Variants in ZNF627 observed in about 807,000 individuals in gnomAD.
The protein encoded by ZNF627 is zinc finger protein 627.
In ZNF627, 12 loss-of-function variants were observed where a neutral mutation model predicts 10.6. The ratio of observed to expected loss-of-function variants is 1.13; its 90% confidence interval spans 0.73 to 1.84. ZNF627 has a LOEUF of 1.84. ZNF627 is among the 40% of genes most tolerant of loss of function. The pLI is 0.00. For synonymous variants in ZNF627, 176 were observed against 187.1 expected (o/e 0.94, Z 0.48); for missense variants, 504 against 568.4 (o/e 0.89, Z 1.15).
At chr19:11,600,236 C>T (rs1330934271) in intron 1 of ZNF627, among the ~76,000 whole-genome samples, 1 of 151,888 alleles carries the variant, frequency 6.6e-6, no homozygotes, top group Non-Finnish European at 1.5e-5. Flanking sequence ...GTCAGGAGAT[C>T]GAGACCATCC....
In ZNF627 at chr19:11,616,966, C is replaced by T; in HGVS notation, c.463C>T (p.Pro155Ser). The T allele has an allele frequency of 6.2e-7, 1 of 1,614,158 alleles. No individual in the cohort carries two copies. The highest frequency in any genetic ancestry group is 8.5e-7 in the Non-Finnish European group (1 of 1,180,038). ...GRALSYHRSF[P>S]VRERTHPGGK... ...AGCCTTGAGTTATCATCGCTCTTTT[C>T]CAGTACGTGAAAGGACTCATCCTGG... is the stretch of plus-strand genomic sequence containing the variant. The change falls in exon 4 of 4, where the codon CCA (proline) becomes TCA (serine). Residue 155 changes from proline to serine, a missense_variant. Physicochemically the swap from Pro to Ser is moderately conservative, Grantham distance 74. Transcript: ENST00000361113.
intron 1 of ZNF627, among the ~76,000 whole-genome samples, chr19:11,608,792 C>T (rs953320247): frequency 6.6e-6 from 1 of 152,100 alleles, no homozygotes; most frequent in Non-Finnish European, 1.5e-5. Context: ...GCTGGGATTA[C>T]AGGTGTGTTC....
intron 1 of ZNF627, among the ~76,000 whole-genome samples, chr19:11,601,051 C>T (rs1255138838): frequency 6.6e-6 from 1 of 152,156 alleles, no homozygotes; most frequent in Non-Finnish European, 1.5e-5. Flanking sequence ...AGACTAGTGA[C>T]TTGAAACTAA....
intron 1 of ZNF627, among the ~76,000 whole-genome samples, chr19:11,597,855 G>T (rs907349722): frequency 2.6e-5 from 4 of 152,230 alleles, no homozygotes; most frequent in African/African-American, 9.6e-5. Flanking sequence ...TCCCCACATG[G>T]TGCGGGGGCC....
intron 1 of ZNF627, among the ~76,000 whole-genome samples, chr19:11,608,234 C>T (rs941929809): frequency 3.9e-5 from 6 of 152,058 alleles, no homozygotes; most frequent in Non-Finnish European, 7.4e-5. Flanking sequence ...TACCTCTCAC[C>T]GGGTCCCTCC....
chr19:11,597,658 G>A (rs1209316867), intron 1 of ZNF627, 28 bp downstream of exon 1: 5 of 1,338,102 alleles, frequency 3.7e-6, no homozygotes, highest in Admixed American at 6.0e-5. Context: ...GGCGTCCCCA[G>A]ACCTGGGGGA....
chr19:11,607,029 G>A (rs1373211565), intron 1 of ZNF627, among the ~76,000 whole-genome samples: 1 of 152,176 alleles, frequency 6.6e-6, no homozygotes, highest in Non-Finnish European at 1.5e-5. Flanking sequence ...TCTGTGATGT[G>A]TCCTGGAGAC....
At chr19:11,605,112 C>CT (rs1201233979) in intron 1 of ZNF627, among the ~76,000 whole-genome samples, 1 of 111,552 alleles carries the variant, frequency 9.0e-6, no homozygotes, top group East Asian at 2.7e-4. Context: ...GAGATGGAGT[C>CT]TTGCTCTGTC....
chr19:11,614,801 A>G, intron 2 of ZNF627, 26 bp from the exon 3 acceptor site: 2 of 1,595,886 alleles, frequency 1.3e-6, no homozygotes, highest in East Asian at 2.2e-5. Flanking sequence ...CTAATTCATA[A>G]TGACTTTTCT....
At chr19:11,603,062 CTT>C (rs1178260071) in intron 1 of ZNF627, among the ~76,000 whole-genome samples, 1 of 152,124 alleles carries the variant, frequency 6.6e-6, no homozygotes, top group Non-Finnish European at 1.5e-5. Context: ...GGCTCTTCCT[CTT>C]TTGAATTTTT....
chr19:11,617,570 C>G lies in ZNF627; in HGVS notation c.1067C>G (p.Thr356Ser), dbSNP rs1300697540. ...FPSSFRIHER[T>S]HTGEKPYDCK... is the part of the protein sequence containing the mutation. The stretch of plus-strand genomic sequence containing the variant: ...AGTTCATTTCGAATCCATGAAAGGA[C>G]CCACACTGGAGAGAAACCCTATGAT... The change falls in exon 4 of 4, where the codon ACC becomes AGC. Residue 356 changes from threonine to serine, a missense_variant. Thr to Ser is a moderately conservative substitution (Grantham distance 58). Transcript: ENST00000361113. The G allele has an allele frequency of 6.2e-7, 1 of 1,613,010 alleles. No homozygotes were observed. Among genetic ancestry groups the G allele is most frequent in the Non-Finnish European group, 8.5e-7 (1 of 1,179,754 alleles).
At position 11,610,687 on chromosome 19, in the gene ZNF627, C is replaced by T. The variant is rs138369963; in HGVS notation, c.4-3840C>T. On this transcript the variant is annotated intron_variant, in intron 1 of 3. Coordinates refer to ENST00000361113, the MANE Select transcript of ZNF627 (RefSeq NM_145295.4). The stretch of plus-strand genomic sequence containing the variant: ...TGAATCTGTACTCCTGGTTTGCAGT[C>T]CTCAGCTCTGGCCCCAATAGACTGT... 1.3e-3 allele frequency among the ~76,000 whole-genome samples: 203 copies of T among 152,212 alleles called. 2 individuals carry two copies. Among genetic ancestry groups the T allele is most frequent in the African/African-American group, 4.7e-3 (196 of 41,530 alleles).
chr19:11,597,555 C>T lies in ZNF627; in HGVS notation c.-73C>T. On this transcript the variant is annotated 5_prime_UTR_variant, in exon 1 of 4. Coordinates refer to ENST00000361113, the MANE Select transcript of ZNF627 (RefSeq NM_145295.4). ...GAGGCCCAAGGTGTCTCCGCCGCAG[C>T]CTCTGTCGCGCCGTGACCTGTACAG... 3.1e-6 allele frequency: 4 copies of T among 1,299,562 alleles called. No homozygotes were observed. In the South Asian group the frequency reaches 1.3e-4, roughly 42 times the overall value. 80.5% of individuals were successfully genotyped at this position (1,299,562 alleles called of 1,614,324 possible). A position where few individuals can be genotyped will look rare whatever the true frequency, so the allele number is the denominator to read the frequency against.
intron 1 of ZNF627, 58 bp from the exon 2 acceptor site, chr19:11,614,469 T>C (rs1973831157): frequency 1.2e-6 from 2 of 1,606,934 alleles, no homozygotes; most frequent in South Asian, 1.1e-5. Flanking sequence ...GAATAAAGTC[T>C]AGGCCCCCAG....
At chr19:11,601,387 T>C (rs913940610) in intron 1 of ZNF627, among the ~76,000 whole-genome samples, 1 of 152,176 alleles carries the variant, frequency 6.6e-6, no homozygotes, top group Admixed American at 6.6e-5. Flanking sequence ...TCTCCTAGGC[T>C]GGAGTGCAGT....
chr19:11,602,005 CAAAAAAAAAAAA>C (rs67176670), intron 1 of ZNF627, among the ~76,000 whole-genome samples: 2 of 53,770 alleles, frequency 3.7e-5, no homozygotes, highest in Non-Finnish European at 7.3e-5. Context: ...GACTCTGTCT[CAAAAAAAAAAAA>C]AAAAAAAAAA....
Position 11,616,971 on chromosome 19 carries a change from A to G in ZNF627, c.468A>G (p.Val156=). The change falls in exon 4 of 4, where the codon GTA becomes GTG. Residue 156 remains valine, a synonymous_variant. Transcript: ENST00000361113. ...RALSYHRSFP[V]RERTHPGGKP... ...TGAGTTATCATCGCTCTTTTCCAGT[A>G]CGTGAAAGGACTCATCCTGGAGGAA... 1 of 1,614,196 alleles carries G rather than the reference A, an allele frequency of 6.2e-7. No individual in the cohort carries two copies. Among genetic ancestry groups the G allele is most frequent in the Non-Finnish European group, 8.5e-7 (1 of 1,180,032 alleles).
At chr19:11,612,265 C>T (rs573671045) in intron 1 of ZNF627, among the ~76,000 whole-genome samples, 17 of 151,316 alleles carry the variant, frequency 1.1e-4, no homozygotes, top group African/African-American at 2.7e-4. Flanking sequence ...GGACTACAGG[C>T]GTCCGCCACC....
At chr19:11,604,722 A>G (rs1025378600) in intron 1 of ZNF627, among the ~76,000 whole-genome samples, 1 of 152,192 alleles carries the variant, frequency 6.6e-6, no homozygotes, top group African/African-American at 2.4e-5. Flanking sequence ...GAAACTTGTT[A>G]AGAATGTCAA....
Sources: allele counts gnomAD v4.1 joint callset (sites outside exome capture counted in the v4.1 genomes callset), GRCh38; gene constraint gnomAD v4.1.1; transcripts MANE v1.5; gene names NCBI Gene and HGNC (gene_info 2026-07-23, HGNC 2026-07-21).